The following VWDE variants were observed in gnomAD, a reference collection of about 807,000 sequenced individuals.
The protein encoded by VWDE is von Willebrand factor D and EGF domains, also known as von Willebrand factor D and EGF domain-containing protein.
A neutral mutation model predicts 178.4 loss-of-function variants in VWDE; 207 were observed. The ratio of observed to expected loss-of-function variants is 1.16; its 90% confidence interval spans 1.04 to 1.30. The LOEUF (loss-of-function observed/expected upper bound fraction) is 1.30, where lower values mean the gene tolerates loss of function less well. Ranked by LOEUF, VWDE falls within the 50% of genes most tolerant of loss-of-function variation. VWDE has a pLI of 0.00. For missense variants in VWDE, 2,287 were observed against 1,901.3 expected, an observed-to-expected ratio of 1.20 and a Z score of -3.77; for synonymous variants, 738 against 651.4, an observed-to-expected ratio of 1.13 and a Z score of -2.02.
intron 28 of VWDE, among the ~76,000 whole-genome samples, chr7:12,332,722 C>G (rs1053896452): frequency 3.3e-5 from 5 of 152,136 alleles, no homozygotes; most frequent in Non-Finnish European, 7.4e-5. Flanking sequence ...GGGGGCCAAT[C>G]CTACAGGATG....
chr7:12,356,666 A>T (rs924838545), intron 17 of VWDE, among the ~76,000 whole-genome samples: 1 of 152,204 alleles, frequency 6.6e-6, no homozygotes, highest in African/African-American at 2.4e-5. Context: ...GGTTATTCAC[A>T]AATCTAGAGA....
At chr7:12,352,259 T>G (rs7787390) in intron 18 of VWDE, among the ~76,000 whole-genome samples, 18,102 of 152,268 alleles carry the variant, frequency 0.12, 1,167 homozygotes, top group East Asian at 0.19. Context: ...TTTGCCCATT[T>G]GGGTTCTCCC....
intron 19 of VWDE, among the ~76,000 whole-genome samples, chr7:12,345,444 G>T (rs1229436899): frequency 6.6e-6 from 1 of 152,038 alleles, no homozygotes; most frequent in Non-Finnish European, 1.5e-5. Context: ...GTCCACATTG[G>T]AAGTGACCAT....
intron 13 of VWDE, among the ~76,000 whole-genome samples, chr7:12,362,797 T>C (rs2128553717): frequency 6.6e-6 from 1 of 152,188 alleles, no homozygotes; most frequent in Admixed American, 6.6e-5. Flanking sequence ...TAAGGGAGTA[T>C]GGAGAGTCTA....
chr7:12,369,995 C>G lies in VWDE; in HGVS notation c.2311G>C (p.Asp771His). 4 of 1,551,466 alleles carry G rather than the reference C, an allele frequency of 2.6e-6. No homozygotes were observed. The highest frequency in any genetic ancestry group is 2.6e-6 in the Non-Finnish European group (3 of 1,146,888). The change falls in exon 12 of 29, where the codon GAT becomes CAT. Residue 771 changes from aspartate to histidine, a missense_variant. By Grantham distance (81) the Asp-to-His change is moderately conservative. Transcript: ENST00000275358. ...AAAAAATAAGTAAGTTCTTCCAGAT[C>G]CGTTTGGCTGAGACTCGGGAAAGCA... ...LFAFPSLSQT[D>H]LEELTYFFPE...
At chr7:12,389,487 A>C in intron 2 of VWDE, 129 bp from the exon 3 acceptor site, 1 of 654,938 alleles carries the variant, frequency 1.5e-6, no homozygotes, top group Non-Finnish European at 2.6e-6. Context: ...TATGGCTTGT[A>C]CCTGTTCTAT....
rs1190791802 is a variant in VWDE at position 12,331,203 on chromosome 7, G to C, written c.4759-6C>G. On this transcript the variant is annotated splice_region_variant and splice_polypyrimidine_tract_variant and intron_variant, in intron 28 of 28. Coordinates refer to ENST00000275358, the MANE Select transcript of VWDE (RefSeq NM_001135924.3). ...GCTACTCAATGGCGTCTTATCTGTA[G>C]TAGGAAGAAGGAAATTGTGTTTCAA... 6.5e-6 allele frequency: 10 copies of C among 1,539,918 alleles called. No individual in the cohort carries two copies. Among genetic ancestry groups the C allele is most frequent in the Admixed American group, 2.0e-5 (1 of 50,518 alleles).
At chr7:12,385,496 C>T (rs560479148) in intron 3 of VWDE, among the ~76,000 whole-genome samples, 470 of 152,168 alleles carry the variant, frequency 3.1e-3, no homozygotes, top group Middle Eastern at 0.017. Context: ...CTCTTTTATC[C>T]TGTCTAAATG....
chr7:12,373,232 G>A lies in VWDE; in HGVS notation c.1332C>T (p.Phe444=), dbSNP rs999916136. ...TATAAAGCACAAATGTTCCAGTCTT[G>A]AAATTATCATATACCCTATCATTAA... is the stretch of plus-strand genomic sequence containing the variant. ...ITFDGRVYDN[F]KTGTFVLYKS... is the part of the protein sequence containing the mutation. The change falls in exon 10 of 29, where the codon TTC becomes TTT. Residue 444 remains phenylalanine, a synonymous_variant. Coordinates refer to ENST00000275358, the MANE Select transcript of VWDE (RefSeq NM_001135924.3). The A allele has an allele frequency of 1.7e-5, 26 of 1,550,770 alleles. No individual in the cohort carries two copies. In the African/African-American group the frequency reaches 2.3e-4, roughly 14 times the overall value.
intron 19 of VWDE, among the ~76,000 whole-genome samples, chr7:12,345,626 C>T (rs1043534720): frequency 6.6e-6 from 1 of 152,120 alleles, no homozygotes; most frequent in Non-Finnish European, 1.5e-5. Flanking sequence ...TGAGAATATA[C>T]CCTCCTGTCT....
chr7:12,335,051 CA>C (rs1780939497), intron 27 of VWDE, among the ~76,000 whole-genome samples: 1 of 152,032 alleles, frequency 6.6e-6, no homozygotes, highest in South Asian at 2.1e-4. Context: ...AAACTACATG[CA>C]AAATTTCTGA....
intron 2 of VWDE, among the ~76,000 whole-genome samples, chr7:12,391,408 A>G (rs1252202161): frequency 6.6e-6 from 1 of 152,242 alleles, no homozygotes; most frequent in East Asian, 1.9e-4. Flanking sequence ...GGGGATAGGG[A>G]ACACTTCCTC....
At chr7:12,380,777 T>C (rs2128558676) in intron 4 of VWDE, 44 bp from the exon 5 acceptor site, 2 of 1,545,130 alleles carry the variant, frequency 1.3e-6, no homozygotes, top group Non-Finnish European at 1.7e-6. Flanking sequence ...TCTTAGACAA[T>C]GGAGACTGGC....
rs554675148 is a variant in VWDE at position 12,379,843 on chromosome 7, C to G, written c.790-277G>C. On this transcript the variant is annotated intron_variant, in intron 5 of 28. Transcript: ENST00000275358. ...GGTGCGGTGGCTCACGCCTGTAATC[C>G]CAGCACTTTGGGAGGCCGAGGCGGG... Among the ~76,000 whole-genome samples the G allele has an allele frequency of 2.4e-3, 360 of 152,018 alleles. 3 individuals carry two copies. The highest frequency in any genetic ancestry group is 8.0e-3 in the African/African-American group (333 of 41,476).
intron 18 of VWDE, chr7:12,354,123 C>T (rs1782093440): frequency 1.0e-5 from 2 of 194,496 alleles, no homozygotes; most frequent in African/African-American, 4.8e-5. Flanking sequence ...ACACAGAACA[C>T]TTTATTATAC....
chr7:12,364,165 A>G (rs949761611), intron 13 of VWDE, among the ~76,000 whole-genome samples: 1 of 152,056 alleles, frequency 6.6e-6, no homozygotes, highest in Non-Finnish European at 1.5e-5. Context: ...AAGTATCAGT[A>G]TCAACTCACA....
At chr7:12,392,935 C>A (rs1784454170) in intron 2 of VWDE, among the ~76,000 whole-genome samples, 1 of 151,950 alleles carries the variant, frequency 6.6e-6, no homozygotes, top group Non-Finnish European at 1.5e-5. Flanking sequence ...AAAAGGTATG[C>A]TGGCTGCACA....
intron 26 of VWDE, 122 bp from the exon 27 acceptor site, chr7:12,336,358 T>C: frequency 1.3e-6 from 1 of 761,716 alleles, no homozygotes; most frequent in African/African-American, 2.0e-5. Context: ...ATTAAAGAAA[T>C]TTTTCCCTAA....
At position 12,356,335 on chromosome 7, in the gene VWDE, A is replaced by G. The variant is rs753430571; in HGVS notation, c.3526-5T>C. ...ATCACAAGACTTCACAGTCACCTAC[A>G]AAACAAAAAAAAAGGAAATGTCTTA... On this transcript the variant is annotated splice_region_variant and splice_polypyrimidine_tract_variant and intron_variant, in intron 17 of 28. Coordinates refer to ENST00000275358, the MANE Select transcript of VWDE (RefSeq NM_001135924.3). 3 of 1,546,706 alleles carry G rather than the reference A, an allele frequency of 1.9e-6. No individual in the cohort carries two copies. The highest frequency in any genetic ancestry group is 2.4e-5 in the South Asian group (2 of 83,344).
Sources: gnomAD v4.1 joint callset for allele counts (sites outside exome capture counted in the v4.1 genomes callset) on GRCh38, gnomAD v4.1.1 for gene constraint, MANE v1.5 for transcripts, NCBI Gene and HGNC (gene_info 2026-07-23, HGNC 2026-07-21) for gene names.